Variants in CFAP73 observed in about 807,000 individuals in gnomAD.
CFAP73 encodes the protein cilia- and flagella-associated protein 73.
Under a neutral mutation model 42.9 loss-of-function variants are expected in CFAP73, and 33 were observed. The ratio of observed to expected loss-of-function variants is 0.77; its 90% CI spans 0.58 to 1.03. The LOEUF (loss-of-function observed/expected upper bound fraction) is 1.03. Among genes scored for constraint, CFAP73 ranks in the 50% least tolerant of loss-of-function variants. The pLI, the probability that CFAP73 is intolerant of heterozygous loss-of-function variation, is 0.00. For synonymous variants in CFAP73, 162 were observed against 186.8 expected (o/e 0.87, Z 1.08); for missense variants, 392 against 411.9 (o/e 0.95, Z 0.42).
intron 1 of CFAP73, among the ~76,000 whole-genome samples, chr12:113,151,119 A>G (rs917452176): frequency 6.6e-6 from 1 of 152,148 alleles, no homozygotes; most frequent in Non-Finnish European, 1.5e-5. Flanking sequence ...TGTCCTGTTT[A>G]CAGCTGCACC....
intron 3 of CFAP73, 25 bp from the exon 4 acceptor site, chr12:113,153,183 G>T (rs1366639304): frequency 1.4e-6 from 2 of 1,478,424 alleles, no homozygotes; most frequent in East Asian, 5.1e-5. Context: ...CCTGAAGGTC[G>T]TCTTCTCCCC....
Position 113,159,234 on chromosome 12 carries a change from G to A in CFAP73, c.*545G>A. ...TCTGTGCTTATTGCTGTGGCCCAGT[G>A]TCTGTACACAGTAGGTGGCTAATAA... On this transcript the variant is annotated 3_prime_UTR_variant, in exon 8 of 8. Transcript: ENST00000335621. 1 of 1,079,820 alleles carries A rather than the reference G, an allele frequency of 9.3e-7. No homozygotes were observed. The highest frequency in any genetic ancestry group is 1.3e-6 in the Non-Finnish European group (1 of 767,538). 66.9% of individuals were successfully genotyped at this position (1,079,820 alleles called of 1,614,324 possible).
Position 113,154,452 on chromosome 12 carries a change from CCTGGCCGAGACGCAGGCGGCG to C in CFAP73, c.511_531del (p.Ala171_Leu177del). On this transcript the variant is annotated inframe_deletion, in exon 5 of 8. Coordinates refer to ENST00000335621, the MANE Select transcript of CFAP73 (RefSeq NM_001144872.3). This position sits in a 1 kb window ranked among gnomAD's most constrained non-coding sequence, Gnocchi z 4.7. ...CGGAGCTGGTGGCGCGCTTCGACGGCCTGGCCGAGACGCAGGCGGCGCTGAGGCTCAGGGAGCGCGAGCAGC... is the reference window on the plus strand; with the variant it reads ...CGGAGCTGGTGGCGCGCTTCGACGGCCTGAGGCTCAGGGAGCGCGAGCAGC... The C allele has an allele frequency of 6.5e-7, 1 of 1,546,956 alleles. No homozygotes were observed. Among genetic ancestry groups the C allele is most frequent in the Non-Finnish European group, 8.7e-7 (1 of 1,145,746 alleles).
In CFAP73 at chr12:113,153,542, C is replaced by CTTA. The variant is rs748627635; in HGVS notation, c.468+136_468+138dup. The CTTA allele has an allele frequency of 4.2e-6, 3 of 722,154 alleles. No individual in the cohort carries two copies. The East Asian group carries it at 1.0e-4, about 24-fold the overall frequency. 44.7% of individuals were successfully genotyped at this position (722,154 alleles called of 1,614,324 possible). ...TTGGCATGCATGCCGAGAACTATCA[C>CTTA]TTATGGAGCGCTCACTGTAAGCAAG... On this transcript the variant is annotated intron_variant, in intron 4 of 7. Transcript: ENST00000335621.
At chr12:113,157,305 A>C (rs2136308905) in intron 6 of CFAP73, 1 of 432,410 alleles carries the variant, frequency 2.3e-6, no homozygotes, top group Non-Finnish European at 4.2e-6. Flanking sequence ...CAGTTACAAG[A>C]AAATAAAGCT....
chr12:113,155,123 T>TCC (rs1490464367), intron 5 of CFAP73, 137 bp from the exon 6 acceptor site: 2 of 704,782 alleles, frequency 2.8e-6, no homozygotes. Flanking sequence ...TGAGCTGAGA[T>TCC]CAGGCCACTG....
chr12:113,154,701 G>T lies in CFAP73; in HGVS notation c.690+66G>T. ...CTTCCACAGCCGGGCGGGGAGGAAC[G>T]CCAGGGCTGATGAGGACCGATGGGG... On this transcript the variant is annotated intron_variant, in intron 5 of 7. Coordinates refer to ENST00000335621, the MANE Select transcript of CFAP73 (RefSeq NM_001144872.3). The surrounding 1 kb of genome is among the most constrained non-coding windows in gnomAD (Gnocchi z 4.7). 1.5e-6 allele frequency: 2 copies of T among 1,377,468 alleles called. No individual in the cohort carries two copies. The highest frequency in any genetic ancestry group is 1.9e-6 in the Non-Finnish European group (2 of 1,074,632). The allele number at this position is 1,377,468 out of a possible 1,614,324, so 85.3% of individuals were successfully genotyped here. A position where few individuals can be genotyped will look rare whatever the true frequency, so the allele number is the denominator to read the frequency against.
chr12:113,155,148 C>T (rs982256623), intron 5 of CFAP73, 112 bp from the exon 6 acceptor site: 25 of 965,646 alleles, frequency 2.6e-5, no homozygotes, highest in African/African-American at 6.7e-5. Context: ...CCAGCCTGGG[C>T]GACAAAGCTA....
chr12:113,157,716 G>C, intron 7 of CFAP73, 26 bp downstream of exon 7: 1 of 1,489,534 alleles, frequency 6.7e-7, no homozygotes, highest in Non-Finnish European at 9.1e-7. Flanking sequence ...GGGAACCCCT[G>C]AGAGACCCTG....
chr12:113,158,949 G>A lies in CFAP73; in HGVS notation c.*260G>A. ...CGAAGGCGCCCTGCTGCAGCTCCTG[G>A]ACGCGGCGGCGGTTGCGGGCAGAGA... On this transcript the variant is annotated 3_prime_UTR_variant, in exon 8 of 8. Coordinates refer to ENST00000335621, the MANE Select transcript of CFAP73 (RefSeq NM_001144872.3). This position sits in a 1 kb window ranked among gnomAD's most constrained non-coding sequence, Gnocchi z 4.9. 6.2e-7 allele frequency: 1 copy of A among 1,611,562 alleles called. No homozygotes were observed. Among genetic ancestry groups the A allele is most frequent in the Non-Finnish European group, 8.5e-7 (1 of 1,178,762 alleles).
chr12:113,155,491 C>A, intron 6 of CFAP73, 73 bp downstream of exon 6: 1 of 1,409,518 alleles, frequency 7.1e-7, no homozygotes, highest in Non-Finnish European at 9.6e-7. Flanking sequence ...TAAAACCCCA[C>A]AGTTAGTGAC....
In CFAP73 at chr12:113,159,153, C is replaced by T. The variant is rs769715056; in HGVS notation, c.*464C>T. On this transcript the variant is annotated 3_prime_UTR_variant, in exon 8 of 8. Coordinates refer to ENST00000335621, the MANE Select transcript of CFAP73 (RefSeq NM_001144872.3). ...AGGGAGCTCAGCTGTTGGGATCACT[C>T]CCAAGATCCCCTCCTCCCAGAAGCT... is the stretch of plus-strand genomic sequence containing the variant. The T allele has an allele frequency of 2.0e-6, 3 of 1,528,786 alleles. No homozygotes were observed. In the Admixed American group the frequency reaches 5.7e-5, roughly 29 times the overall value. 94.7% of individuals were successfully genotyped at this position (1,528,786 alleles called of 1,614,324 possible). A position where few individuals can be genotyped will look rare whatever the true frequency, so the allele number is the denominator to read the frequency against.
intron 7 of CFAP73, chr12:113,157,958 C>T: frequency 2.1e-6 from 1 of 484,598 alleles, no homozygotes; most frequent in Non-Finnish European, 3.7e-6. Context: ...CAGGCCCTCC[C>T]TGCCAGGGTG....
intron 1 of CFAP73, 125 bp from the exon 2 acceptor site, chr12:113,151,793 C>CAAAAAAAA: frequency 1.3e-5 from 6 of 455,166 alleles, no homozygotes; most frequent in South Asian, 1.1e-4. Context: ...AAACAAGTCT[C>CAAAAAAAA]AAAAAAAAAA....
chr12:113,152,433 T>G (rs1952072542), intron 2 of CFAP73, among the ~76,000 whole-genome samples: 1 of 152,290 alleles, frequency 6.6e-6, no homozygotes, highest in African/African-American at 2.4e-5. Flanking sequence ...GCAAGTCGGC[T>G]TATCCAGCAA....
At chr12:113,156,746 G>A (rs1952132282) in intron 6 of CFAP73, 1 of 152,132 alleles carries the variant, frequency 6.6e-6, no homozygotes, top group African/African-American at 2.4e-5. Flanking sequence ...ATGTAAACAG[G>A]CAAAAGTCAG....
At position 113,154,526 on chromosome 12, in the gene CFAP73, G is replaced by T. The variant is rs1182244239; in HGVS notation, c.581G>T (p.Arg194Leu). Residue 194 changes from arginine (R) to leucine (L), a missense_variant, in exon 5 of 8, where the codon CGG becomes CTG. Physicochemically the swap from Arg to Leu is moderately radical, Grantham distance 102. Transcript: ENST00000335621. The surrounding 1 kb of genome is among the most constrained non-coding windows in gnomAD (Gnocchi z 4.7). ...GCGGAGCTGGAGGCGGCGCGAGCGC[G>T]GCTGCAGCAGCTGCGGGACGCCTGG... Reference protein sequence around the residue: ...QLAELEAARARLQQLRDAWPD... With the variant: ...QLAELEAARALLQQLRDAWPD... 2 of 1,505,202 alleles carry T rather than the reference G, an allele frequency of 1.3e-6. No individual in the cohort carries two copies. Among genetic ancestry groups the T allele is most frequent in the Non-Finnish European group, 1.8e-6 (2 of 1,133,108 alleles). 93.2% of individuals were successfully genotyped at this position (1,505,202 alleles called of 1,614,324 possible).
At chr12:113,157,309 T>C (rs1477305932) in intron 6 of CFAP73, 1 of 434,862 alleles carries the variant, frequency 2.3e-6, no homozygotes, top group Non-Finnish European at 4.1e-6. Context: ...TACAAGAAAA[T>C]AAAGCTGATT....
chr12:113,157,090 T>C (rs575437875), intron 6 of CFAP73: 7 of 153,114 alleles, frequency 4.6e-5, no homozygotes, highest in African/African-American at 1.2e-4. Flanking sequence ...TTGGTGGAGA[T>C]AAAAAGTTTC....
Sources: allele counts gnomAD v4.1 joint callset (sites outside exome capture counted in the v4.1 genomes callset), GRCh38; gene constraint gnomAD v4.1.1; non-coding constraint Gnocchi (gnomAD v3.1); transcripts MANE v1.5; gene names NCBI Gene and HGNC (gene_info 2026-07-23, HGNC 2026-07-21).